The following ANKDD1B variants were observed in gnomAD, a reference collection of about 807,000 sequenced individuals.
ANKDD1B encodes ankyrin repeat and death domain-containing protein 1B.
Under a neutral mutation model 59.7 loss-of-function variants are expected in ANKDD1B, and 57 were observed. That is an observed-to-expected ratio of 0.95 (90% confidence interval 0.77 to 1.19). ANKDD1B has a LOEUF of 1.19. Among genes scored for constraint, ANKDD1B ranks in the 50% most tolerant of loss-of-function variants. The pLI is 0.00. For missense variants in ANKDD1B, 602 were observed against 641.9 expected, an observed-to-expected ratio of 0.94 and a Z score of 0.67; for synonymous variants, 216 against 239.5, an observed-to-expected ratio of 0.90 and a Z score of 0.91.
chr5:75,619,812 C>G (rs1443330009), intron 2 of ANKDD1B, among the ~76,000 whole-genome samples: 2 of 152,174 alleles, frequency 1.3e-5, no homozygotes, highest in Non-Finnish European at 2.9e-5. Context: ...CTCCTTTTAT[C>G]CCTTCCTCCC....
At position 75,663,653 on chromosome 5, in the gene ANKDD1B, T is replaced by C. The variant is rs147988502; in HGVS notation, c.1191+164T>C. ...TCTTGTGCTGCCCCCATTCGTGGAA[T>C]GAACAGCTGCCTCTTCCTTTGTGGA... is the stretch of plus-strand genomic sequence containing the variant. On this transcript the variant is annotated intron_variant, in intron 11 of 13. Transcript: ENST00000601380. Among the ~76,000 whole-genome samples, 766 of 152,354 alleles carry C rather than the reference T, an allele frequency of 5.0e-3. 7 individuals carry two copies. Among genetic ancestry groups the C allele is most frequent in the African/African-American group, 0.016 (673 of 41,598 alleles).
intron 7 of ANKDD1B, among the ~76,000 whole-genome samples, chr5:75,651,426 C>T (rs1302154672): frequency 1.3e-5 from 2 of 152,234 alleles, no homozygotes; most frequent in South Asian, 2.1e-4. Context: ...AGCAGACCAT[C>T]CCCTCAAGCA....
intron 11 of ANKDD1B, among the ~76,000 whole-genome samples, chr5:75,664,104 T>G (rs1021461205): frequency 2.6e-5 from 4 of 152,202 alleles, no homozygotes; most frequent in Admixed American, 2.0e-4. Context: ...CCAGGCACCA[T>G]TCTTGATTTA....
At chr5:75,649,109 T>C (rs143703779) in intron 7 of ANKDD1B, among the ~76,000 whole-genome samples, 420 of 151,960 alleles carry the variant, frequency 2.8e-3, no homozygotes, top group Admixed American at 4.5e-3. Flanking sequence ...CTTTTGTAGG[T>C]CCTAAAAACT....
At chr5:75,624,743 T>C (rs1773945159) in intron 3 of ANKDD1B, among the ~76,000 whole-genome samples, 1 of 152,222 alleles carries the variant, frequency 6.6e-6, no homozygotes, top group Non-Finnish European at 1.5e-5. Context: ...CACATAGTCA[T>C]ATCTATATTG....
chr5:75,653,184 G>T lies in ANKDD1B; in HGVS notation c.841G>T (p.Ala281Ser), dbSNP rs919474257. 3.3e-6 allele frequency: 5 copies of T among 1,536,026 alleles called. No homozygotes were observed. The highest frequency in any genetic ancestry group is 3.9e-5 in the Admixed American group (2 of 50,988). ...GCAGATAGCAACCAGGAACGGCCATGCATCCCTTGTCAACTTTCTTCTCAG... is the reference window on the plus strand; with the variant it reads ...GCAGATAGCAACCAGGAACGGCCATTCATCCCTTGTCAACTTTCTTCTCAG... ...SLQIATRNGH[A>S]SLVNFLLSEN... Residue 281 changes from alanine to serine, a missense_variant, in exon 8 of 14, where the codon GCA becomes TCA. Ala to Ser is a moderately conservative substitution (Grantham distance 99). This residue lies in a region of ANKDD1B where 280 missense variants were observed against 319.8 expected (regional missense o/e 0.88). Transcript: ENST00000601380.
At position 75,671,550 on chromosome 5, in the gene ANKDD1B, G is replaced by C. The variant is rs1475129920; in HGVS notation, c.*510G>C. 6.6e-6 allele frequency: 1 copy of C among 152,172 alleles called. No homozygotes were observed. The highest frequency in any genetic ancestry group is 1.5e-5 in the Non-Finnish European group (1 of 68,050). 9.4% of individuals were successfully genotyped at this position (152,172 alleles called of 1,614,324 possible). A position where few individuals can be genotyped will look rare whatever the true frequency, so the allele number is the denominator to read the frequency against. ...GAATGAAGATGAAGGGAAAATGCCT[G>C]TGTAGCCTCACGCCCATAGTACGGA... On this transcript the variant is annotated 3_prime_UTR_variant, in exon 14 of 14. Coordinates refer to ENST00000601380, the MANE Select transcript of ANKDD1B (RefSeq NM_001276713.2).
rs780125368 is a variant in ANKDD1B at position 75,635,910 on chromosome 5, A to G, written c.798+28A>G. The G allele has an allele frequency of 1.1e-5, 15 of 1,408,744 alleles. No homozygotes were observed. The South Asian group carries it at 1.8e-4, about 17-fold the overall frequency. 87.3% of individuals were successfully genotyped at this position (1,408,744 alleles called of 1,614,324 possible). On this transcript the variant is annotated intron_variant, in intron 7 of 13. Coordinates refer to ENST00000601380, the MANE Select transcript of ANKDD1B (RefSeq NM_001276713.2). ...ATGTGGAAGTGCTCGTTATTGCCAT[A>G]GGACTTAAATGTGGAAGGGTTGGAG... is the stretch of plus-strand genomic sequence containing the variant.
At chr5:75,631,328 AATAAAG>A (rs1316983104) in intron 5 of ANKDD1B, among the ~76,000 whole-genome samples, 2 of 152,202 alleles carry the variant, frequency 1.3e-5, no homozygotes, top group Admixed American at 1.3e-4. Context: ...TTGCAAACTA[AATAAAG>A]ATAGATTATT....
At chr5:75,637,337 G>A (rs1774345965) in intron 7 of ANKDD1B, among the ~76,000 whole-genome samples, 1 of 151,038 alleles carries the variant, frequency 6.6e-6, no homozygotes, top group Non-Finnish European at 1.5e-5. Flanking sequence ...ATGCAGGCGG[G>A]TTTGTGAGTC....
Position 75,651,480 on chromosome 5 carries a change from A to G in ANKDD1B, c.799-1662A>G, listed in dbSNP as rs547309327. ...GCACTAAGCAAAGACAGCTGAGCAC[A>G]GGGAAGGAGAGGCGCTGAAAGGGCC... On this transcript the variant is annotated intron_variant, in intron 7 of 13. Coordinates refer to ENST00000601380, the MANE Select transcript of ANKDD1B (RefSeq NM_001276713.2). Among the ~76,000 whole-genome samples, 5 of 152,336 alleles carry G rather than the reference A, an allele frequency of 3.3e-5. 1 individual carries two copies. The South Asian group carries it at 8.3e-4, about 25-fold the overall frequency.
intron 7 of ANKDD1B, among the ~76,000 whole-genome samples, chr5:75,636,735 C>G (rs1252156013): frequency 6.6e-6 from 1 of 152,056 alleles, no homozygotes; most frequent in African/African-American, 2.4e-5. Context: ...TCATGAGCAA[C>G]AAACAGGATG....
At chr5:75,657,888 C>A (rs191996616) in intron 9 of ANKDD1B, among the ~76,000 whole-genome samples, 469 of 148,844 alleles carry the variant, frequency 3.2e-3, no homozygotes, top group African/African-American at 0.011. Flanking sequence ...CAGAGTGAGA[C>A]TCCATCTCAA....
At chr5:75,668,956 A>G (rs965055832) in intron 12 of ANKDD1B, among the ~76,000 whole-genome samples, 1 of 152,210 alleles carries the variant, frequency 6.6e-6, no homozygotes, top group Non-Finnish European at 1.5e-5. Context: ...GCACTGGTCT[A>G]TGAGAAGTTG....
intron 11 of ANKDD1B, 148 bp downstream of exon 11, chr5:75,663,637 GC>G: frequency 1.5e-6 from 1 of 674,428 alleles, no homozygotes; most frequent in Non-Finnish European, 2.5e-6. Flanking sequence ...GTCTTGTGCT[GC>G]CCCCATTCGT....
At chr5:75,629,543 C>T (rs773511838) in intron 5 of ANKDD1B, among the ~76,000 whole-genome samples, 3 of 152,058 alleles carry the variant, frequency 2.0e-5, no homozygotes, top group Non-Finnish European at 2.9e-5. Flanking sequence ...AATTTGATTA[C>T]TTCATCTTCT....
intron 5 of ANKDD1B, among the ~76,000 whole-genome samples, chr5:75,630,285 T>C (rs1432384994): frequency 1.3e-5 from 2 of 152,378 alleles, no homozygotes; most frequent in East Asian, 1.9e-4. Flanking sequence ...TCTAATAATA[T>C]GTACTCAATG....
chr5:75,654,692 A>G (rs992481188), intron 8 of ANKDD1B, among the ~76,000 whole-genome samples: 3 of 152,196 alleles, frequency 2.0e-5, no homozygotes, highest in African/African-American at 7.2e-5. Flanking sequence ...AAAAAAATAA[A>G]TAAAAGAAAC....
At chr5:75,648,837 G>C (rs2111983598) in intron 7 of ANKDD1B, among the ~76,000 whole-genome samples, 1 of 152,288 alleles carries the variant, frequency 6.6e-6, no homozygotes, top group African/African-American at 2.4e-5. Context: ...GTAGGTGATT[G>C]CTGTGTTTGA....
Sources: gnomAD v4.1 joint callset for allele counts (sites outside exome capture counted in the v4.1 genomes callset) on GRCh38, gnomAD v4.1.1 for gene constraint, gnomAD v4.1.1 regional missense constraint, MANE v1.5 for transcripts, NCBI Gene and HGNC (gene_info 2026-07-23, HGNC 2026-07-21) for gene names.